Variants in ZNF341 observed in about 807,000 individuals in gnomAD.
ZNF341 encodes zinc finger protein 341.
Under a neutral mutation model 87.7 loss-of-function variants are expected in ZNF341, and 52 were observed. The ratio of observed to expected loss-of-function variants is 0.59; its 90% CI spans 0.47 to 0.75. The LOEUF (loss-of-function observed/expected upper bound fraction) is 0.75. Among genes scored for constraint, ZNF341 ranks in the 30% least tolerant of loss-of-function variants. The probability of loss-of-function intolerance (pLI) is 0.00; values close to 1 mark genes in which losing one functional copy is unlikely to be tolerated. For synonymous variants in ZNF341, 459 were observed against 472.7 expected (o/e 0.97, Z 0.38); for missense variants, 977 against 1,145.9 (o/e 0.85, Z 2.13).
At chr20:33,733,438 C>T (rs1444169152) in intron 1 of ZNF341, among the ~76,000 whole-genome samples, 1 of 151,764 alleles carries the variant, frequency 6.6e-6, no homozygotes, top group Non-Finnish European at 1.5e-5. Context: ...GGGGTTTCAC[C>T]GTGTTAGCGA....
intron 10 of ZNF341, among the ~76,000 whole-genome samples, chr20:33,771,253 T>C (rs973989702): frequency 1.3e-5 from 2 of 152,148 alleles, no homozygotes; most frequent in African/African-American, 4.8e-5. Context: ...CCTATTTTTA[T>C]TTTATTTTTT....
At chr20:33,754,242 G>A (rs2019125552) in intron 5 of ZNF341, among the ~76,000 whole-genome samples, 1 of 152,096 alleles carries the variant, frequency 6.6e-6, no homozygotes, top group African/African-American at 2.4e-5. Flanking sequence ...GCAAAGAATT[G>A]GTGCCATAAT....
chr20:33,738,439 G>A (rs1361129638), intron 1 of ZNF341, among the ~76,000 whole-genome samples: 2 of 152,150 alleles, frequency 1.3e-5, no homozygotes, highest in African/African-American at 4.8e-5. Context: ...TCACAAAGGA[G>A]GGTTAGTTTT....
At chr20:33,770,388 G>A in intron 10 of ZNF341, 96 bp downstream of exon 10, 1 of 1,250,450 alleles carries the variant, frequency 8.0e-7, no homozygotes, top group Non-Finnish European at 1.1e-6. Flanking sequence ...CTTAGGACCA[G>A]TGAGATATTT....
At chr20:33,751,306 T>C (rs2019050663) in intron 4 of ZNF341, among the ~76,000 whole-genome samples, 1 of 152,052 alleles carries the variant, frequency 6.6e-6, no homozygotes, top group South Asian at 2.1e-4. Flanking sequence ...CATTCATGAT[T>C]CTCTCAAAAG....
intron 12 of ZNF341, 185 bp from the exon 13 acceptor site, chr20:33,788,678 A>G (rs1188749301): frequency 3.1e-6 from 2 of 654,642 alleles, no homozygotes; most frequent in Non-Finnish European, 5.6e-6. Flanking sequence ...TCTCCTGACC[A>G]TCCTGTCAAA....
At chr20:33,790,196 C>T (rs1341107250) in intron 14 of ZNF341, among the ~76,000 whole-genome samples, 1 of 150,886 alleles carries the variant, frequency 6.6e-6, no homozygotes, top group Non-Finnish European at 1.5e-5. Flanking sequence ...CTCAGCTTCC[C>T]AAGTAGTTGG....
intron 10 of ZNF341, 100 bp from the exon 11 acceptor site, chr20:33,781,191 G>A (rs1332072232): frequency 1.2e-6 from 1 of 816,580 alleles, no homozygotes; most frequent in African/African-American, 1.7e-5. Flanking sequence ...TGAATTAACT[G>A]TAGGATGTTG....
In ZNF341 at chr20:33,732,746, C is replaced by T. The variant is rs961672224; in HGVS notation, c.31+694C>T. On this transcript the variant is annotated intron_variant, in intron 1 of 14. Transcript: ENST00000375200. The surrounding 1 kb of genome is among the most constrained non-coding windows in gnomAD (Gnocchi z 4.5). ...AAACGCTGGGTGCCGACAGACTGTT[C>T]CGTGCTCTGCAAGAACCTGGGATGG... 3.3e-5 allele frequency among the ~76,000 whole-genome samples: 5 copies of T among 152,206 alleles called. No individual in the cohort carries two copies. Among genetic ancestry groups the T allele is most frequent in the African/African-American group, 1.2e-4 (5 of 41,456 alleles).
At chr20:33,758,258 G>C (rs534081588) in intron 6 of ZNF341, among the ~76,000 whole-genome samples, 1 of 152,282 alleles carries the variant, frequency 6.6e-6, no homozygotes, top group Admixed American at 6.5e-5. Context: ...TATTCATGTG[G>C]GAGGAGAAGG....
chr20:33,753,029 C>A, intron 4 of ZNF341, 143 bp from the exon 5 acceptor site: 1 of 1,214,512 alleles, frequency 8.2e-7, no homozygotes, highest in Non-Finnish European at 1.2e-6. Context: ...CTTTGTTTCC[C>A]CAACCTCTCT....
rs1171402724 is a variant in ZNF341 at position 33,764,543 on chromosome 20, G to GTATATATATATATATATATATATA, written c.1223-2289_1223-2288insATATATATATATATATATATATAT. Among the ~76,000 whole-genome samples, 98 of 69,304 alleles carry GTATATATATATATATATATATATA rather than the reference G, an allele frequency of 1.4e-3. 6 individuals carry two copies. The highest frequency in any genetic ancestry group is 7.1e-3 in the South Asian group (12 of 1,682). The allele number at this position is 69,304 out of a possible 152,430, so 45.5% of individuals were successfully genotyped here. On this transcript the variant is annotated intron_variant, in intron 8 of 14. Transcript: ENST00000375200. ...TATATATATGTGTGTGTGTGTATGT[G>GTATATATATATATATATATATATA]TATATATATATATATATATTTTTTT...
At position 33,791,077 on chromosome 20, in the gene ZNF341, T is replaced by A; in HGVS notation, c.2125T>A (p.Tyr709Asn). 1 of 1,613,280 alleles carries A rather than the reference T, an allele frequency of 6.2e-7. No individual in the cohort carries two copies. The highest frequency in any genetic ancestry group is 8.5e-7 in the Non-Finnish European group (1 of 1,180,018). ...AEHQRAHTGN[Y>N]KFRCAGCAKG... Reference sequence around the variant, plus strand: ...GCATCAGCGCGCCCACACGGGCAACTACAAGTTCCGCTGTGCTGGCTGCGC... The same window carrying A: ...GCATCAGCGCGCCCACACGGGCAACAACAAGTTCCGCTGTGCTGGCTGCGC... Residue 709 changes from tyrosine (Y) to asparagine (N), a missense_variant, in exon 15 of 15, where the codon TAC (tyrosine) becomes AAC (asparagine). Physicochemically the swap from Tyr to Asn is moderately radical, Grantham distance 143. This residue lies in a region of ZNF341 where 221 missense variants were observed against 212.7 expected (regional missense o/e 1.04). Coordinates refer to ENST00000375200, the MANE Select transcript of ZNF341 (RefSeq NM_001282933.2).
At position 33,792,081 on chromosome 20, in the gene ZNF341, C is replaced by CTT; in HGVS notation, c.*565_*566dup. 2 of 153,430 alleles carry CTT rather than the reference C, an allele frequency of 1.3e-5. No individual in the cohort carries two copies. The highest frequency in any genetic ancestry group is 6.7e-3 in the Middle Eastern group (2 of 300). 9.5% of individuals were successfully genotyped at this position (153,430 alleles called of 1,614,324 possible). A position where few individuals can be genotyped will look rare whatever the true frequency, so the allele number is the denominator to read the frequency against. On this transcript the variant is annotated 3_prime_UTR_variant, in exon 15 of 15. Coordinates refer to ENST00000375200, the MANE Select transcript of ZNF341 (RefSeq NM_001282933.2). ...CTTCAAATCCAAGAGTTGCCATGCA[C>CTT]TTGCTGTGTGACCTTGGGCAAGTCA...
At chr20:33,785,909 C>T (rs1217100489) in intron 12 of ZNF341, among the ~76,000 whole-genome samples, 1 of 152,148 alleles carries the variant, frequency 6.6e-6, no homozygotes, top group East Asian at 1.9e-4. Context: ...TTCTGTGGGT[C>T]CCCCTCCCCC....
intron 9 of ZNF341, 26 bp downstream of exon 9, chr20:33,767,067 C>T: frequency 6.3e-7 from 1 of 1,595,304 alleles, no homozygotes; most frequent in Middle Eastern, 2.0e-4. Flanking sequence ...CAGCAGGGGC[C>T]CACACCACAC....
chr20:33,777,464 G>A (rs1242475231), intron 10 of ZNF341, among the ~76,000 whole-genome samples: 2 of 151,654 alleles, frequency 1.3e-5, no homozygotes, highest in Admixed American at 6.6e-5. Context: ...GCGAAATGCC[G>A]TATCTACTAA....
chr20:33,735,380 G>C (rs2018658564), intron 1 of ZNF341, among the ~76,000 whole-genome samples: 1 of 152,006 alleles, frequency 6.6e-6, no homozygotes, highest in Non-Finnish European at 1.5e-5. Context: ...TGTCTCCAAA[G>C]CTGGAGTGCA....
At chr20:33,758,415 T>C (rs972761014) in intron 6 of ZNF341, among the ~76,000 whole-genome samples, 4 of 152,142 alleles carry the variant, frequency 2.6e-5, no homozygotes, top group African/African-American at 9.7e-5. Flanking sequence ...GAGAGAATGA[T>C]GAGGTTGTCA....
Sources: allele counts gnomAD v4.1 joint callset (sites outside exome capture counted in the v4.1 genomes callset), GRCh38; gene constraint gnomAD v4.1.1; regional missense constraint gnomAD v4.1.1; non-coding constraint Gnocchi (gnomAD v3.1); transcripts MANE v1.5; gene names NCBI Gene and HGNC (gene_info 2026-07-23, HGNC 2026-07-21).